Variants in SCML4 observed in about 807,000 individuals in gnomAD.
The protein encoded by SCML4 is sex comb on midleg-like protein 4.
In SCML4, 34 loss-of-function variants were observed where a neutral mutation model predicts 41.1. The ratio of observed to expected loss-of-function variants is 0.83; its 90% CI spans 0.63 to 1.10. SCML4 has a LOEUF of 1.10. Among genes scored for constraint, SCML4 ranks in the 50% least tolerant of loss-of-function variants. The pLI is 0.00. For missense variants in SCML4, 522 were observed against 534.1 expected, an observed-to-expected ratio of 0.98 and a Z score of 0.22; for synonymous variants, 214 against 220.9, an observed-to-expected ratio of 0.97 and a Z score of 0.28.
intron 1 of SCML4, among the ~76,000 whole-genome samples, chr6:107,773,315 G>C (rs558224238): frequency 6.6e-6 from 1 of 152,254 alleles, no homozygotes; most frequent in East Asian, 1.9e-4. Flanking sequence ...GGGCACACCA[G>C]GCACACTGAC....
the SCML4 span, among the ~76,000 whole-genome samples, chr6:107,834,986 A>C: frequency 6.6e-6 from 1 of 152,000 alleles, no homozygotes; most frequent in Non-Finnish European, 1.5e-5. Context: ...GGAGGAAAAA[A>C]ATTATTTAAT....
intron 1 of SCML4, among the ~76,000 whole-genome samples, chr6:107,799,758 T>C (rs1032817393): frequency 6.6e-6 from 1 of 152,170 alleles, no homozygotes; most frequent in Non-Finnish European, 1.5e-5. Flanking sequence ...GCTAATCTGT[T>C]GCTAACCCCA....
At chr6:107,707,761 C>G in intron 7 of SCML4, 105 bp downstream of exon 7, 1 of 1,434,954 alleles carries the variant, frequency 7.0e-7, no homozygotes, top group Non-Finnish European at 9.5e-7. Flanking sequence ...TTAGAGCACC[C>G]CTCCACCACC....
intron 1 of SCML4, among the ~76,000 whole-genome samples, chr6:107,813,188 C>A (rs2114279260): frequency 6.7e-6 from 1 of 150,358 alleles, no homozygotes; most frequent in East Asian, 2.0e-4. Flanking sequence ...ATGATGAAAC[C>A]CCGTCTCTAC....
At chr6:107,829,719 G>T in the SCML4 span, among the ~76,000 whole-genome samples, 1 of 152,032 alleles carries the variant, frequency 6.6e-6, no homozygotes, top group Non-Finnish European at 1.5e-5. Flanking sequence ...AAACCTGCAC[G>T]TTCTGCACAT....
the SCML4 span, among the ~76,000 whole-genome samples, chr6:107,831,980 G>A: frequency 6.6e-6 from 1 of 151,214 alleles, no homozygotes; most frequent in African/African-American, 2.4e-5. Context: ...GGAGAATGGC[G>A]TGAACCCGGG....
chr6:107,778,581 C>T (rs1173075728), intron 1 of SCML4, among the ~76,000 whole-genome samples: 1 of 152,006 alleles, frequency 6.6e-6, no homozygotes, highest in Admixed American at 6.6e-5. Flanking sequence ...AATACTACAA[C>T]GGAAAGCAAG....
At chr6:107,775,389 C>T (rs775760539) in intron 1 of SCML4, among the ~76,000 whole-genome samples, 3 of 152,226 alleles carry the variant, frequency 2.0e-5, no homozygotes, top group Non-Finnish European at 4.4e-5. Context: ...CACCATGGAG[C>T]TTGAACAAGG....
At chr6:107,753,833 G>C (rs1255935398) in intron 2 of SCML4, among the ~76,000 whole-genome samples, 1 of 152,212 alleles carries the variant, frequency 6.6e-6, no homozygotes, top group Non-Finnish European at 1.5e-5. Context: ...AGTGCATGAG[G>C]GAGGCCGTGG....
At chr6:107,839,377 G>GA in the SCML4 span, among the ~76,000 whole-genome samples, 3 of 141,442 alleles carry the variant, frequency 2.1e-5, no homozygotes, top group South Asian at 6.9e-4. Context: ...AGGAAAGAAA[G>GA]AAAGAAAGAA....
At chr6:107,814,561 GTTTGTT>G (rs796448618) in intron 1 of SCML4, among the ~76,000 whole-genome samples, 103 of 152,220 alleles carry the variant, frequency 6.8e-4, no homozygotes, top group African/African-American at 2.3e-3. Flanking sequence ...TTGTTTGTTT[GTTTGTT>G]TTTAAGACAG....
intron 1 of SCML4, among the ~76,000 whole-genome samples, chr6:107,793,150 A>G (rs1359580778): frequency 5.9e-5 from 9 of 152,158 alleles, no homozygotes; most frequent in Admixed American, 1.3e-4. Flanking sequence ...ATGACCCCCA[A>G]TGATCCCCAT....
At chr6:107,733,755 G>A (rs570227116) in intron 5 of SCML4, among the ~76,000 whole-genome samples, 1 of 152,310 alleles carries the variant, frequency 6.6e-6, no homozygotes, top group East Asian at 1.9e-4. Flanking sequence ...TGCTTCCACT[G>A]TTCTGAGGTA....
At chr6:107,708,910 C>T (rs1268414018) in intron 6 of SCML4, among the ~76,000 whole-genome samples, 1 of 152,168 alleles carries the variant, frequency 6.6e-6, no homozygotes, top group Non-Finnish European at 1.5e-5. Flanking sequence ...TTCCCTAGAG[C>T]CAGCTCCTCT....
At chr6:107,792,918 G>C (rs1213836418) in intron 1 of SCML4, among the ~76,000 whole-genome samples, 1 of 152,050 alleles carries the variant, frequency 6.6e-6, no homozygotes, top group Middle Eastern at 3.2e-3. Flanking sequence ...CCAGATCAAG[G>C]GAAACAATAA....
At chr6:107,806,505 C>T (rs1430676379) in intron 1 of SCML4, among the ~76,000 whole-genome samples, 1 of 152,246 alleles carries the variant, frequency 6.6e-6, no homozygotes, top group Non-Finnish European at 1.5e-5. Context: ...TGAGATCTAT[C>T]AGCCACTACC....
chr6:107,803,836 A>C (rs1357948929), intron 1 of SCML4, among the ~76,000 whole-genome samples: 1 of 151,242 alleles, frequency 6.6e-6, no homozygotes, highest in Non-Finnish European at 1.5e-5. Flanking sequence ...TTTGTCAAAC[A>C]GATGCTTGAA....
chr6:107,800,021 T>C (rs1304625833), intron 1 of SCML4, among the ~76,000 whole-genome samples: 2 of 152,022 alleles, frequency 1.3e-5, no homozygotes, highest in Non-Finnish European at 2.9e-5. Context: ...TTTGTTTTGT[T>C]TTGTTGTTTT....
chr6:107,764,605 A>G (rs1583524953), intron 2 of SCML4, among the ~76,000 whole-genome samples: 1 of 152,166 alleles, frequency 6.6e-6, no homozygotes, highest in African/African-American at 2.4e-5. Flanking sequence ...TCCTCACCGA[A>G]GGAACCCAAG....
Sources: gnomAD v4.1 joint callset for allele counts (sites outside exome capture counted in the v4.1 genomes callset) on GRCh38, gnomAD v4.1.1 for gene constraint, MANE v1.5 for transcripts, NCBI Gene and HGNC (gene_info 2026-07-23, HGNC 2026-07-21) for gene names.